TMTC2: variants seen among roughly 807,000 people sequenced by gnomAD.
TMTC2 encodes the protein protein O-mannosyl-transferase TMTC2.
A neutral mutation model predicts 82.4 loss-of-function variants in TMTC2; 43 were observed. The ratio of observed to expected loss-of-function variants is 0.52; its 90% CI spans 0.41 to 0.67. The LOEUF (loss-of-function observed/expected upper bound fraction) is 0.67. Among genes scored for constraint, TMTC2 ranks in the 30% least tolerant of loss-of-function variants. TMTC2 has a pLI of 0.00. For synonymous variants in TMTC2, 408 were observed against 381.9 expected (o/e 1.07, Z -0.80); for missense variants, 919 against 1,012.4 (o/e 0.91, Z 1.25).
chr12:82,799,246 G>A (rs1323610484), intron 1 of TMTC2, among the ~76,000 whole-genome samples: 2 of 152,130 alleles, frequency 1.3e-5, no homozygotes, highest in African/African-American at 2.4e-5. Context: ...CGGACTGAGG[G>A]TTTAATGACC....
intron 11 of TMTC2, among the ~76,000 whole-genome samples, chr12:83,119,588 C>G (rs1045464292): frequency 2.0e-5 from 3 of 152,114 alleles, no homozygotes; most frequent in Non-Finnish European, 4.4e-5. Flanking sequence ...GGAGAAAGTT[C>G]CATCTGCTGT....
chr12:82,869,036 T>C (rs944938422), intron 2 of TMTC2, among the ~76,000 whole-genome samples: 6 of 152,190 alleles, frequency 3.9e-5, no homozygotes, highest in Admixed American at 2.6e-4. Flanking sequence ...TTTGGCTTAC[T>C]GAGACAAATC....
chr12:83,088,936 G>A (rs1011541017), intron 11 of TMTC2, among the ~76,000 whole-genome samples: 15 of 152,102 alleles, frequency 9.9e-5, no homozygotes, highest in Admixed American at 2.0e-4. Flanking sequence ...TGAGATATAG[G>A]ATGCATGAAT....
intron 1 of TMTC2, among the ~76,000 whole-genome samples, chr12:82,774,139 A>G (rs1283422384): frequency 6.6e-6 from 1 of 152,246 alleles, no homozygotes; most frequent in African/African-American, 2.4e-5. Context: ...TGATGCTGTT[A>G]TATATGTGTG....
At chr12:82,838,897 G>C (rs1870192823) in intron 1 of TMTC2, among the ~76,000 whole-genome samples, 1 of 147,554 alleles carries the variant, frequency 6.8e-6, no homozygotes, top group African/African-American at 2.5e-5. Flanking sequence ...TTCCTGCTTT[G>C]TCAAAACACA....
At chr12:83,016,729 A>G (rs1326907579) in intron 8 of TMTC2, among the ~76,000 whole-genome samples, 1 of 152,198 alleles carries the variant, frequency 6.6e-6, no homozygotes, top group Non-Finnish European at 1.5e-5. Context: ...GAACATGTCT[A>G]CAATGTAATA....
At chr12:82,911,500 T>A (rs1275960688) in intron 3 of TMTC2, among the ~76,000 whole-genome samples, 1 of 152,194 alleles carries the variant, frequency 6.6e-6, no homozygotes, top group African/African-American at 2.4e-5. Context: ...GACATAAATA[T>A]CATGTGCTTG....
intron 11 of TMTC2, among the ~76,000 whole-genome samples, chr12:83,112,568 A>T (rs1050336700): frequency 6.6e-6 from 1 of 152,224 alleles, no homozygotes; most frequent in Non-Finnish European, 1.5e-5. Flanking sequence ...TATGCAATGG[A>T]CATTAAACAT....
intron 1 of TMTC2, among the ~76,000 whole-genome samples, chr12:82,843,428 C>T (rs1345143649): frequency 6.6e-6 from 1 of 151,452 alleles, no homozygotes; most frequent in African/African-American, 2.4e-5. Flanking sequence ...TCCACTTACT[C>T]ACAGAGTCAT....
chr12:82,900,932 T>C (rs1227367670), intron 3 of TMTC2, among the ~76,000 whole-genome samples: 185 of 97,838 alleles, frequency 1.9e-3, no homozygotes, highest in Non-Finnish European at 3.0e-3. Flanking sequence ...GGAATATATA[T>C]ATAGGAATAT....
intron 1 of TMTC2, among the ~76,000 whole-genome samples, chr12:82,843,115 T>G (rs1323997043): frequency 7.4e-6 from 1 of 135,050 alleles, no homozygotes; most frequent in African/African-American, 4.0e-5. Flanking sequence ...GACTCTTAAT[T>G]TCTTTCTTTC....
At chr12:82,963,615 T>C (rs1188286676) in intron 4 of TMTC2, among the ~76,000 whole-genome samples, 1 of 150,908 alleles carries the variant, frequency 6.6e-6, no homozygotes, top group Non-Finnish European at 1.5e-5. Flanking sequence ...TATTCCTTTT[T>C]AAAAATTTTT....
At chr12:82,757,182 C>T (rs1876373968) in intron 1 of TMTC2, among the ~76,000 whole-genome samples, 1 of 152,152 alleles carries the variant, frequency 6.6e-6, no homozygotes, top group Non-Finnish European at 1.5e-5. Context: ...AATAATTCCA[C>T]TGGGAATCTA....
At chr12:82,874,365 C>T (rs1024910848) in intron 2 of TMTC2, among the ~76,000 whole-genome samples, 2 of 152,184 alleles carry the variant, frequency 1.3e-5, no homozygotes, top group Non-Finnish European at 2.9e-5. Context: ...GACCAAATTG[C>T]ATGCTACTTG....
intron 4 of TMTC2, among the ~76,000 whole-genome samples, chr12:82,959,096 A>C (rs561596108): frequency 2.6e-4 from 40 of 152,252 alleles, no homozygotes; most frequent in African/African-American, 9.6e-4. Context: ...TACACACACA[A>C]AAATATAGGA....
intron 3 of TMTC2, among the ~76,000 whole-genome samples, chr12:82,924,266 AAG>A (rs1193628699): frequency 6.6e-6 from 1 of 152,160 alleles, no homozygotes; most frequent in African/African-American, 2.4e-5. Flanking sequence ...GGTGATTTGG[AAG>A]AGAGTCTAAG....
chr12:83,065,834 A>T (rs1412639714), intron 11 of TMTC2, among the ~76,000 whole-genome samples: 3 of 151,956 alleles, frequency 2.0e-5, no homozygotes, highest in Admixed American at 2.0e-4. Flanking sequence ...ATTTTTAAAA[A>T]ATGGTTAATG....
At chr12:83,059,098 T>A (rs1882645814) in intron 10 of TMTC2, among the ~76,000 whole-genome samples, 1 of 151,820 alleles carries the variant, frequency 6.6e-6, no homozygotes, top group African/African-American at 2.4e-5. Flanking sequence ...TATTTTATTG[T>A]CTGCTTTAAT....
rs112333886 is a variant in TMTC2 at position 82,748,741 on chromosome 12, G to A, written c.83+61072G>A. On this transcript the variant is annotated intron_variant, in intron 1 of 11. Coordinates refer to ENST00000321196, the MANE Select transcript of TMTC2 (RefSeq NM_152588.3). The stretch of plus-strand genomic sequence containing the variant: ...AAATACAAAAAATTAGCAGGGTGTG[G>A]TGGTGCATGCCTGTAATCCCAGCTA... Among the ~76,000 whole-genome samples, 856 of 152,248 alleles carry A rather than the reference G, an allele frequency of 5.6e-3. 5 individuals carry two copies. Among genetic ancestry groups the A allele is most frequent in the African/African-American group, 0.019 (797 of 41,538 alleles).
Sources: gnomAD v4.1 joint callset for allele counts (sites outside exome capture counted in the v4.1 genomes callset) on GRCh38, gnomAD v4.1.1 for gene constraint, MANE v1.5 for transcripts, NCBI Gene and HGNC (gene_info 2026-07-23, HGNC 2026-07-21) for gene names.